ERBB4: variants seen among roughly 807,000 people sequenced by gnomAD.
ERBB4 encodes the protein erb-b2 receptor tyrosine kinase 4.
A neutral mutation model predicts 158.0 loss-of-function variants in ERBB4; 42 were observed. The observed-to-expected ratio is 0.27, with a 90% CI of 0.21 to 0.34. The LOEUF is 0.34. Ranked by LOEUF, ERBB4 falls within the 10% of genes least tolerant of loss-of-function variation. The probability of loss-of-function intolerance (pLI) is 1.00; values close to 1 mark genes in which losing one functional copy is unlikely to be tolerated. For synonymous variants in ERBB4, 583 were observed against 558.7 expected, an observed-to-expected ratio of 1.04 and a Z score of -0.61; for missense variants, 1,333 against 1,624.1, an observed-to-expected ratio of 0.82 and a Z score of 3.08.
At chr2:212,039,482 G>A (rs2077089349) in intron 2 of ERBB4, among the ~76,000 whole-genome samples, 1 of 152,088 alleles carries the variant, frequency 6.6e-6, no homozygotes, top group Non-Finnish European at 1.5e-5. Flanking sequence ...ATTGAGGACA[G>A]CTATAATTAA....
intron 1 of ERBB4, among the ~76,000 whole-genome samples, chr2:212,281,800 T>C (rs1490690788): frequency 6.6e-6 from 1 of 151,796 alleles, no homozygotes; most frequent in African/African-American, 2.4e-5. Context: ...CCTATATGTG[T>C]GACATAGTAG....
At position 211,947,610 on chromosome 2, in the gene ERBB4, G is replaced by A. The variant is rs2080738739; in HGVS notation, c.241C>T (p.Arg81Ter). 6.2e-7 allele frequency: 1 copy of A among 1,612,882 alleles called. No individual in the cohort carries two copies. The highest frequency in any genetic ancestry group is 8.5e-7 in the Non-Finnish European group (1 of 1,179,430). The change falls in exon 3 of 28, where the codon CGA becomes TGA. Residue 81 changes from arginine to a stop codon, truncating the protein, a stop_gained. Coordinates refer to ENST00000342788, the MANE Select transcript of ERBB4 (RefSeq NM_005235.3). LOFTEE classifies it high-confidence loss of function. ...NRDLSFLRSV[R>*]EVTGYVLVAL... Reference sequence around the variant, plus strand: ...ACTAACACGTAGCCTGTGACTTCTCGAACAGACTGAAAAGACACAAACAGT... The same window carrying A: ...ACTAACACGTAGCCTGTGACTTCTCAAACAGACTGAAAAGACACAAACAGT...
chr2:212,058,304 T>G (rs532288456), intron 2 of ERBB4, among the ~76,000 whole-genome samples: 1 of 152,290 alleles, frequency 6.6e-6, no homozygotes, highest in East Asian at 1.9e-4. Flanking sequence ...GTTAATAGCC[T>G]GCCACCCAAA....
intron 1 of ERBB4, among the ~76,000 whole-genome samples, chr2:212,420,962 A>G (rs1390982282): frequency 6.6e-6 from 1 of 152,162 alleles, no homozygotes; most frequent in Non-Finnish European, 1.5e-5. Flanking sequence ...TGGTTTCTGC[A>G]AACTTGGAGA....
intron 19 of ERBB4, among the ~76,000 whole-genome samples, chr2:211,567,300 T>C (rs1160559728): frequency 2.6e-5 from 4 of 152,194 alleles, no homozygotes; most frequent in African/African-American, 9.6e-5. Context: ...TCAATCTTTA[T>C]GTTTTTAGCA....
intron 19 of ERBB4, 63 bp from the exon 20 acceptor site, chr2:211,562,151 G>T (rs2067413833): frequency 2.2e-6 from 3 of 1,377,212 alleles, no homozygotes; most frequent in African/African-American, 1.4e-5. Context: ...AGAGTTACTT[G>T]GATTGTACTA....
intron 1 of ERBB4, among the ~76,000 whole-genome samples, chr2:212,412,884 T>C (rs2106492076): frequency 6.6e-6 from 1 of 152,348 alleles, no homozygotes; most frequent in South Asian, 2.1e-4. Context: ...CCAAGTTTGC[T>C]AATCTACATC....
rs183455421 is a variant in ERBB4 at position 212,193,323 on chromosome 2, T to C, written c.83-68420A>G. On this transcript the variant is annotated intron_variant, in intron 1 of 27. Transcript: ENST00000342788. Reference sequence around the variant, plus strand: ...GAGGTTGTCACTCTGTAGGCTCAAGTGATGCCATCTGCTTTTCCATTTGGG... The same window carrying C: ...GAGGTTGTCACTCTGTAGGCTCAAGCGATGCCATCTGCTTTTCCATTTGGG... Among the ~76,000 whole-genome samples, 7 of 152,280 alleles carry C rather than the reference T, an allele frequency of 4.6e-5. No homozygotes were observed. The East Asian group carries it at 1.4e-3, about 29-fold the overall frequency.
At chr2:211,607,385 T>C (rs1190110054) in intron 19 of ERBB4, among the ~76,000 whole-genome samples, 2 of 152,190 alleles carry the variant, frequency 1.3e-5, no homozygotes, top group Non-Finnish European at 2.9e-5. Flanking sequence ...AAGAACTCTG[T>C]GTATGCAGAC....
intron 20 of ERBB4, among the ~76,000 whole-genome samples, chr2:211,509,302 A>G (rs1255700462): frequency 6.6e-6 from 1 of 152,142 alleles, no homozygotes; most frequent in Non-Finnish European, 1.5e-5. Flanking sequence ...GTATACTTAC[A>G]TAACAAACCT....
At position 211,622,174 on chromosome 2, in the gene ERBB4, A is replaced by T. The variant is rs76693463; in HGVS notation, c.2202+1748T>A. ...TTTATTGTAGAAATGAGTACAGATTAAAATTATTAAAGATGTAAATACAAT... is the reference window on the plus strand; with the variant it reads ...TTTATTGTAGAAATGAGTACAGATTTAAATTATTAAAGATGTAAATACAAT... On this transcript the variant is annotated intron_variant, in intron 18 of 27. Coordinates refer to ENST00000342788, the MANE Select transcript of ERBB4 (RefSeq NM_005235.3). Among the ~76,000 whole-genome samples, 185 of 152,352 alleles carry T rather than the reference A, an allele frequency of 1.2e-3. 1 individual carries two copies. Among genetic ancestry groups the T allele is most frequent in the African/African-American group, 4.3e-3 (178 of 41,584 alleles).
At position 212,320,200 on chromosome 2, in the gene ERBB4, T is replaced by A. The variant is rs748417989; in HGVS notation, c.83-195297A>T. Among the ~76,000 whole-genome samples, 8 of 143,890 alleles carry A rather than the reference T, an allele frequency of 5.6e-5. 1 individual carries two copies. The highest frequency in any genetic ancestry group is 7.8e-5 in the Non-Finnish European group (5 of 64,500). 94.4% of individuals were successfully genotyped at this position (143,890 alleles called of 152,430 possible). The stretch of plus-strand genomic sequence containing the variant: ...TCTACCAGGCCGATTACTGGGTACA[T>A]CTACCAGGCAGATTTACGCAGTCAT... On this transcript the variant is annotated intron_variant, in intron 1 of 27. Coordinates refer to ENST00000342788, the MANE Select transcript of ERBB4 (RefSeq NM_005235.3).
intron 2 of ERBB4, among the ~76,000 whole-genome samples, chr2:211,974,725 G>C (rs2081555253): frequency 6.6e-6 from 1 of 152,122 alleles, no homozygotes; most frequent in African/African-American, 2.4e-5. Context: ...TTGTTCCACT[G>C]CAGTCCCACA....
chr2:212,178,460 C>G (rs2081749179), intron 1 of ERBB4, among the ~76,000 whole-genome samples: 1 of 151,638 alleles, frequency 6.6e-6, no homozygotes, highest in African/African-American at 2.4e-5. Context: ...GATGATGAAT[C>G]AAATATATCT....
intron 3 of ERBB4, among the ~76,000 whole-genome samples, chr2:211,920,232 T>C (rs1297871895): frequency 6.6e-6 from 1 of 152,118 alleles, no homozygotes; most frequent in East Asian, 1.9e-4. Flanking sequence ...TTTTGGCTTA[T>C]TGTGCGTCTG....
chr2:212,372,806 C>T (rs1387058540), intron 1 of ERBB4, among the ~76,000 whole-genome samples: 2 of 152,150 alleles, frequency 1.3e-5, no homozygotes, highest in Non-Finnish European at 2.9e-5. Context: ...TGAGCTATGT[C>T]CAGCTGTCTG....
intron 1 of ERBB4, among the ~76,000 whole-genome samples, chr2:212,427,738 C>G (rs2091944543): frequency 6.6e-6 from 1 of 151,902 alleles, no homozygotes; most frequent in Non-Finnish European, 1.5e-5. Context: ...TTCAGTATAC[C>G]TGAAAGAAAT....
intron 17 of ERBB4, among the ~76,000 whole-genome samples, chr2:211,626,275 T>A (rs186729221): frequency 3.3e-5 from 5 of 152,314 alleles, no homozygotes; most frequent in Admixed American, 3.3e-4. Context: ...AGCATCAAGC[T>A]TACAGTGCAT....
intron 1 of ERBB4, among the ~76,000 whole-genome samples, chr2:212,413,134 ATTTTTTT>A (rs370397826): frequency 6.2e-4 from 63 of 101,216 alleles, no homozygotes; most frequent in Admixed American, 2.2e-3. Context: ...TGCGTGGCTA[ATTTTTTT>A]TTTTTTTTTT....
Sources: gnomAD v4.1 joint callset for allele counts (sites outside exome capture counted in the v4.1 genomes callset) on GRCh38, gnomAD v4.1.1 for gene constraint, MANE v1.5 for transcripts, NCBI Gene and HGNC (gene_info 2026-07-23, HGNC 2026-07-21) for gene names.